CSMD1: variants seen among roughly 807,000 people sequenced by gnomAD.
CSMD1 encodes the protein CUB and sushi domain-containing protein 1.
In CSMD1, 213 loss-of-function variants were observed where a neutral mutation model predicts 417.5. That is an observed-to-expected ratio of 0.51 (90% confidence interval 0.46 to 0.57). The LOEUF (loss-of-function observed/expected upper bound fraction) is 0.57, where lower values mean the gene tolerates loss of function less well. Ranked by LOEUF, CSMD1 falls within the 20% of genes least tolerant of loss-of-function variation. CSMD1 has a pLI of 0.00. For missense variants in CSMD1, 6,923 were observed against 4,529.7 expected (o/e 1.53, Z -15.17); for synonymous variants, 2,862 against 1,736.8 (o/e 1.65, Z -16.11).
At chr8:3,067,332 C>G (rs1430956481) in intron 49 of CSMD1, among the ~76,000 whole-genome samples, 2 of 152,044 alleles carry the variant, frequency 1.3e-5, no homozygotes, top group African/African-American at 4.8e-5. Context: ...ATCTTTTGAC[C>G]TCGATGCCTC....
chr8:3,926,154 G>C (rs114668965), intron 5 of CSMD1, among the ~76,000 whole-genome samples: 1 of 140,520 alleles, frequency 7.1e-6, no homozygotes, highest in Non-Finnish European at 1.5e-5. Flanking sequence ...ATAGGTGGGG[G>C]TTTATGTATA....
chr8:2,961,499 T>C (rs776283317), intron 61 of CSMD1, among the ~76,000 whole-genome samples: 2 of 152,158 alleles, frequency 1.3e-5, no homozygotes, highest in Non-Finnish European at 2.9e-5. Flanking sequence ...TATAGAAATA[T>C]ATTTGGTCAA....
intron 26 of CSMD1, among the ~76,000 whole-genome samples, chr8:3,257,079 T>A (rs1158153445): frequency 6.6e-6 from 1 of 152,202 alleles, no homozygotes; most frequent in African/African-American, 2.4e-5. Flanking sequence ...CCCAGCACTT[T>A]GGGAGGCCAA....
intron 10 of CSMD1, among the ~76,000 whole-genome samples, chr8:3,568,160 C>T (rs751463281): frequency 6.6e-6 from 1 of 152,152 alleles, no homozygotes; most frequent in African/African-American, 2.4e-5. Context: ...ATATGAAAGT[C>T]TTTTTGAGGG....
At chr8:3,728,304 T>G (rs1802615670) in intron 6 of CSMD1, among the ~76,000 whole-genome samples, 1 of 152,114 alleles carries the variant, frequency 6.6e-6, no homozygotes, top group South Asian at 2.1e-4. Flanking sequence ...TTCCTTCATC[T>G]TCCACCATGA....
chr8:4,969,321 T>A (rs767078615), intron 1 of CSMD1, among the ~76,000 whole-genome samples: 1 of 151,950 alleles, frequency 6.6e-6, no homozygotes, highest in Non-Finnish European at 1.5e-5. Flanking sequence ...TTATTAAATA[T>A]CAGAATATTG....
chr8:3,765,235 G>T (rs536123088), intron 5 of CSMD1, among the ~76,000 whole-genome samples: 5 of 152,108 alleles, frequency 3.3e-5, no homozygotes, highest in African/African-American at 1.2e-4. Context: ...TGTCTGCTGT[G>T]CTCCTGCTTT....
chr8:3,054,183 A>G (rs1812060874), intron 49 of CSMD1, among the ~76,000 whole-genome samples: 1 of 152,194 alleles, frequency 6.6e-6, no homozygotes, highest in African/African-American at 2.4e-5. Flanking sequence ...TTTCTTCTTT[A>G]CCAAAATATT....
At chr8:3,977,475 G>GA (rs1057127313) in intron 5 of CSMD1, among the ~76,000 whole-genome samples, 124 of 150,486 alleles carry the variant, frequency 8.2e-4, no homozygotes, top group Admixed American at 3.3e-3. Flanking sequence ...GCGACTTAAA[G>GA]AAAAAAAAAA....
chr8:3,331,302 T>A (rs1050709887), intron 23 of CSMD1, among the ~76,000 whole-genome samples: 1 of 151,572 alleles, frequency 6.6e-6, no homozygotes, highest in Non-Finnish European at 1.5e-5. Flanking sequence ...AGGGAGCAAC[T>A]AACGTTGATA....
chr8:4,152,278 G>A (rs965435861), intron 3 of CSMD1, among the ~76,000 whole-genome samples: 5 of 152,102 alleles, frequency 3.3e-5, no homozygotes, highest in Admixed American at 6.6e-5. Flanking sequence ...ATAGAAATAC[G>A]ATGGTTAAAA....
At position 2,951,286 on chromosome 8, in the gene CSMD1, G is replaced by C; in HGVS notation, c.10040-11C>G. ...AGACATCTGAAGGAACTGTGGGAAG[G>C]GGGGAAACAGACCAATGTCAGCACA... On this transcript the variant is annotated splice_polypyrimidine_tract_variant and intron_variant, in intron 65 of 69. Transcript: ENST00000635120. The C allele has an allele frequency of 6.3e-7, 1 of 1,594,072 alleles. No homozygotes were observed. Among genetic ancestry groups the C allele is most frequent in the Non-Finnish European group, 8.5e-7 (1 of 1,169,830 alleles).
chr8:4,829,227 A>G (rs909100239), intron 1 of CSMD1, among the ~76,000 whole-genome samples: 6 of 152,160 alleles, frequency 3.9e-5, no homozygotes, highest in Non-Finnish European at 7.3e-5. Context: ...TTTAGATGAG[A>G]ATTTTAAAAC....
At chr8:4,391,771 C>A (rs1470381406) in intron 3 of CSMD1, among the ~76,000 whole-genome samples, 1 of 152,150 alleles carries the variant, frequency 6.6e-6, no homozygotes, top group Non-Finnish European at 1.5e-5. Flanking sequence ...AGGGCTTTCC[C>A]TCTCCCCTGA....
At chr8:3,078,371 C>T (rs58611852) in intron 49 of CSMD1, among the ~76,000 whole-genome samples, 7,944 of 152,146 alleles carry the variant, frequency 0.052, 665 homozygotes, top group African/African-American at 0.18. Context: ...AGAGGAAATG[C>T]GTTATTTAAT....
chr8:3,355,601 C>A (rs541772772), intron 21 of CSMD1, among the ~76,000 whole-genome samples: 3 of 152,036 alleles, frequency 2.0e-5, no homozygotes, highest in African/African-American at 7.2e-5. Context: ...CAGAACTGCA[C>A]GATGTGGGGC....
chr8:4,218,343 C>G (rs571610911), intron 3 of CSMD1, among the ~76,000 whole-genome samples: 1 of 152,250 alleles, frequency 6.6e-6, no homozygotes, highest in East Asian at 1.9e-4. Context: ...AATATTCAAA[C>G]TGTTGATTTT....
chr8:3,436,468 G>A (rs1814573560), intron 12 of CSMD1, among the ~76,000 whole-genome samples: 1 of 152,094 alleles, frequency 6.6e-6, no homozygotes, highest in Non-Finnish European at 1.5e-5. Context: ...ATAGTGCCTG[G>A]CACACAATAT....
chr8:3,798,604 A>G (rs573720016), intron 5 of CSMD1, among the ~76,000 whole-genome samples: 4 of 152,248 alleles, frequency 2.6e-5, no homozygotes, highest in African/African-American at 4.8e-5. Flanking sequence ...TAAAATATTA[A>G]CTTTGCTTCC....
Sources: allele counts gnomAD v4.1 joint callset (sites outside exome capture counted in the v4.1 genomes callset), GRCh38; gene constraint gnomAD v4.1.1; transcripts MANE v1.5; gene names NCBI Gene and HGNC (gene_info 2026-07-23, HGNC 2026-07-21).